Variants in UBE3B observed in about 807,000 individuals in gnomAD.
The protein encoded by UBE3B is ubiquitin-protein ligase E3B.
In UBE3B, 80 loss-of-function variants were observed where a neutral mutation model predicts 132.3. The observed-to-expected ratio is 0.60, with a 90% CI of 0.50 to 0.73. The LOEUF is 0.73. UBE3B is among the 30% of genes least tolerant of loss of function. UBE3B has a pLI of 0.00. For synonymous variants in UBE3B, 487 were observed against 520.4 expected, an observed-to-expected ratio of 0.94 and a Z score of 0.87; for missense variants, 1,196 against 1,362.5, an observed-to-expected ratio of 0.88 and a Z score of 1.92.
chr12:109,499,549 G>T, intron 11 of UBE3B, 84 bp from the exon 12 acceptor site: 8 of 1,318,060 alleles, frequency 6.1e-6, no homozygotes, highest in Non-Finnish European at 7.9e-6. Flanking sequence ...GGATGTGGCC[G>T]CCTGAGCCAC....
chr12:109,484,148 G>A (rs968760024), intron 4 of UBE3B, 167 bp downstream of exon 4: 1 of 630,860 alleles, frequency 1.6e-6, no homozygotes, highest in African/African-American at 1.9e-5. Flanking sequence ...TATGCCCAGT[G>A]CTTTTAGGAA....
chr12:109,506,084 A>T (rs1054974301), intron 14 of UBE3B, among the ~76,000 whole-genome samples: 4 of 152,238 alleles, frequency 2.6e-5, no homozygotes, highest in Non-Finnish European at 5.9e-5. Flanking sequence ...AAATTTAGAA[A>T]GTCCTCTGTG....
intron 15 of UBE3B, 85 bp downstream of exon 15, chr12:109,507,820 T>A (rs1304860363): frequency 7.0e-7 from 1 of 1,422,504 alleles, no homozygotes; most frequent in South Asian, 1.3e-5. Flanking sequence ...TAATTGCTAA[T>A]GTGATTACTG....
the UBE3B span, among the ~76,000 whole-genome samples, chr12:109,541,795 C>T: frequency 6.6e-6 from 1 of 152,172 alleles, no homozygotes; most frequent in Non-Finnish European, 1.5e-5. Flanking sequence ...TCTGGTGGCC[C>T]CTGCGTGCTT....
chr12:109,520,918 T>A (rs1262015106), intron 19 of UBE3B: 1 of 472,088 alleles, frequency 2.1e-6, no homozygotes, highest in Non-Finnish European at 3.8e-6. Flanking sequence ...CCCCTTGAGG[T>A]CAGTCTCCCC....
In UBE3B at chr12:109,490,627, G is replaced by A. The variant is rs1382323765; in HGVS notation, c.631-418G>A. On this transcript the variant is annotated intron_variant, in intron 8 of 27. Coordinates refer to ENST00000342494, the MANE Select transcript of UBE3B (RefSeq NM_130466.4). ...TTCTACTTCATACCATAATTAAACG[G>A]CTTCTAAAATAATATGATGTCTTTA... The A allele has an allele frequency of 2.0e-6, 3 of 1,531,162 alleles. No individual in the cohort carries two copies. In the South Asian group the frequency reaches 3.6e-5, roughly 18 times the overall value. The allele number at this position is 1,531,162 out of a possible 1,614,324, so 94.8% of individuals were successfully genotyped here. A position where few individuals can be genotyped will look rare whatever the true frequency, so the allele number is the denominator to read the frequency against.
At chr12:109,507,824 A>T in intron 15 of UBE3B, 89 bp downstream of exon 15, 1 of 1,429,652 alleles carries the variant, frequency 7.0e-7, no homozygotes, top group Admixed American at 2.1e-5. Context: ...TGCTAATGTG[A>T]TTACTGCAAA....
At chr12:109,490,159 C>T in intron 8 of UBE3B, 155 bp downstream of exon 8, 1 of 893,758 alleles carries the variant, frequency 1.1e-6, no homozygotes, top group Non-Finnish European at 1.8e-6. Flanking sequence ...CCTTCCCCTG[C>T]CTTGTCTCAC....
chr12:109,489,118 C>A (rs1343080632), intron 7 of UBE3B, among the ~76,000 whole-genome samples: 1 of 152,188 alleles, frequency 6.6e-6, no homozygotes, highest in African/African-American at 2.4e-5. Flanking sequence ...ACAAGTAGCC[C>A]ATACATGCCA....
intron 15 of UBE3B, chr12:109,509,097 A>G (rs543410121): frequency 1.3e-5 from 2 of 152,340 alleles, no homozygotes; most frequent in South Asian, 4.1e-4. Context: ...TCAAATTAAT[A>G]GAAAGTAGAA....
chr12:109,534,304 A>G lies in UBE3B; in HGVS notation c.3016-287A>G, dbSNP rs765843494. On this transcript the variant is annotated intron_variant, in intron 27 of 27. Transcript: ENST00000342494. This position sits in a 1 kb window ranked among gnomAD's most constrained non-coding sequence, Gnocchi z 5.2. ...TTTTACAGCATTCTACTTTTTGTCA[A>G]TTGGTTAACCAGTAATTCGCTGTGA... The G allele has an allele frequency of 7.6e-5, 106 of 1,386,810 alleles. No individual in the cohort carries two copies. The highest frequency in any genetic ancestry group is 9.5e-5 in the Non-Finnish European group (102 of 1,072,054). 85.9% of individuals were successfully genotyped at this position (1,386,810 alleles called of 1,614,324 possible).
At chr12:109,537,422 C>T (rs542671105), downstream of UBE3B, among the ~76,000 whole-genome samples, 5 of 152,182 alleles carry the variant, frequency 3.3e-5, no homozygotes, top group African/African-American at 7.2e-5. Context: ...AGTGGCTTCT[C>T]GCTGCTCCCC....
intron 2 of UBE3B, among the ~76,000 whole-genome samples, chr12:109,482,554 G>A (rs1422063051): frequency 6.6e-6 from 1 of 152,226 alleles, no homozygotes; most frequent in Admixed American, 6.5e-5. Context: ...CTGGTAGAGA[G>A]ATTGTTTTCT....
At chr12:109,520,329 G>C (rs1358603059) in intron 19 of UBE3B, 1 of 152,218 alleles carries the variant, frequency 6.6e-6, no homozygotes, top group Non-Finnish European at 1.5e-5. Flanking sequence ...AGCCAGGAAG[G>C]CCTCAACAGA....
chr12:109,479,025 T>A (rs1874865572), intron 1 of UBE3B, among the ~76,000 whole-genome samples: 1 of 152,204 alleles, frequency 6.6e-6, no homozygotes, highest in Non-Finnish European at 1.5e-5. Context: ...TCTTAGTTAT[T>A]ACAGCCTTGA....
intron 22 of UBE3B, 66 bp from the exon 23 acceptor site, chr12:109,524,372 G>A: frequency 6.3e-7 from 1 of 1,583,936 alleles, no homozygotes; most frequent in South Asian, 1.1e-5. Context: ...CCTCAAGGGA[G>A]GGTTAAACCT....
rs772468185 is a variant in UBE3B at position 109,516,842 on chromosome 12, G to A, written c.2034G>A (p.Pro678=). ...TGGTGGAAACCAGCTCTGCCTCCCCGCATGTCACTCACATCACCATCCGCC... is the reference window on the plus strand; with the variant it reads ...TGGTGGAAACCAGCTCTGCCTCCCCACATGTCACTCACATCACCATCCGCC... ...LGLVETSSAS[P]HVTHITIRRS... Residue 678 remains proline, a synonymous_variant, in exon 19 of 28, where the codon CCG becomes CCA. Transcript: ENST00000342494. 120 of 1,613,876 alleles carry A rather than the reference G, an allele frequency of 7.4e-5. 1 individual carries two copies. Among genetic ancestry groups the A allele is most frequent in the Admixed American group, 3.5e-4 (21 of 59,990 alleles).
rs779730305 is a variant in UBE3B at position 109,530,013 on chromosome 12, T to C, written c.2751T>C (p.Thr917=). The stretch of plus-strand genomic sequence containing the variant: ...CCGAGTGGATCCGAATGTTCTCAAC[T>C]CCTGAACTGCAGCGTCTCATCTCTG... ...IKPEWIRMFS[T]PELQRLISGD... Residue 917 remains threonine, a synonymous_variant, in exon 25 of 28, where the codon ACT becomes ACC. Transcript: ENST00000342494. 23 of 1,613,944 alleles carry C rather than the reference T, an allele frequency of 1.4e-5. No homozygotes were observed. Among genetic ancestry groups the C allele is most frequent in the Non-Finnish European group, 1.9e-5 (22 of 1,180,014 alleles).
At chr12:109,499,569 G>A in intron 11 of UBE3B, 64 bp from the exon 12 acceptor site, 2 of 1,400,370 alleles carry the variant, frequency 1.4e-6, no homozygotes, top group Non-Finnish European at 9.4e-7. Context: ...CAGGCAGGGA[G>A]CAGGGCCGGG....
Sources: allele counts gnomAD v4.1 joint callset (sites outside exome capture counted in the v4.1 genomes callset), GRCh38; gene constraint gnomAD v4.1.1; non-coding constraint Gnocchi (gnomAD v3.1); transcripts MANE v1.5; gene names NCBI Gene and HGNC (gene_info 2026-07-23, HGNC 2026-07-21).